GPR137B: variants seen among roughly 807,000 people sequenced by gnomAD.
The protein encoded by GPR137B is integral membrane protein GPR137B.
Under a neutral mutation model 42.5 loss-of-function variants are expected in GPR137B, and 42 were observed. The ratio of observed to expected loss-of-function variants is 0.99; its 90% confidence interval spans 0.77 to 1.28. The LOEUF is 1.28. Ranked by LOEUF, GPR137B falls within the 50% of genes most tolerant of loss-of-function variation. The probability of loss-of-function intolerance (pLI) is 0.00; values close to 1 mark genes in which losing one functional copy is unlikely to be tolerated. For missense variants in GPR137B, 487 were observed against 493.9 expected (o/e 0.99, Z 0.13); for synonymous variants, 218 against 209.7 (o/e 1.04, Z -0.34).
chr1:236,148,768 A>G lies in GPR137B; in HGVS notation c.414+5732A>G, dbSNP rs142223942. Among the ~76,000 whole-genome samples the G allele has an allele frequency of 2.5e-4, 38 of 152,180 alleles. No individual in the cohort carries two copies. The East Asian group carries it at 7.4e-3, about 29-fold the overall frequency. On this transcript the variant is annotated intron_variant, in intron 1 of 6. Coordinates refer to ENST00000366592, the MANE Select transcript of GPR137B (RefSeq NM_003272.4). The stretch of plus-strand genomic sequence containing the variant: ...GGCCTGCGGCTCATGGTAGGGGCTC[A>G]TAGTCGGTGTTGGGAGCTCATCATG...
chr1:236,165,368 C>T (rs939289113), intron 1 of GPR137B, among the ~76,000 whole-genome samples: 1 of 152,170 alleles, frequency 6.6e-6, no homozygotes, highest in African/African-American at 2.4e-5. Flanking sequence ...GACTTTTTCC[C>T]TCCAGGCAGG....
At chr1:236,190,531 T>G (rs1279581992) in intron 5 of GPR137B, among the ~76,000 whole-genome samples, 1 of 152,220 alleles carries the variant, frequency 6.6e-6, no homozygotes, top group Non-Finnish European at 1.5e-5. Flanking sequence ...GGCCTGGTGG[T>G]GACAAAGTCT....
chr1:236,207,526 C>A (rs563926049), intron 6 of GPR137B, among the ~76,000 whole-genome samples: 6 of 152,268 alleles, frequency 3.9e-5, no homozygotes, highest in African/African-American at 1.4e-4. Flanking sequence ...AAGACAAGAC[C>A]CCCTTTCTAC....
rs1459815491 is a variant in GPR137B at position 236,205,108 on chromosome 1, G to A, written c.967-18G>A. On this transcript the variant is annotated intron_variant, in intron 5 of 6. Coordinates refer to ENST00000366592, the MANE Select transcript of GPR137B (RefSeq NM_003272.4). ...CATGATGTCTGTAAGTATGCTGAAT[G>A]ATTACCTGTCTTTCTAGACCAACCC... 1.2e-6 allele frequency: 2 copies of A among 1,607,598 alleles called. No homozygotes were observed. Among genetic ancestry groups the A allele is most frequent in the Non-Finnish European group, 1.7e-6 (2 of 1,174,904 alleles).
At chr1:236,176,583 G>T (rs1662693162) in intron 2 of GPR137B, among the ~76,000 whole-genome samples, 2 of 152,174 alleles carry the variant, frequency 1.3e-5, no homozygotes, top group African/African-American at 4.8e-5. Flanking sequence ...GGAGAAGCCT[G>T]CAGTCCTTTC....
intron 1 of GPR137B, among the ~76,000 whole-genome samples, chr1:236,157,263 C>T (rs758945234): frequency 5.3e-5 from 8 of 149,896 alleles, no homozygotes; most frequent in South Asian, 2.1e-4. Flanking sequence ...CCCGCTCAGT[C>T]GCCCAGGCTG....
chr1:236,208,491 G>A lies in GPR137B; in HGVS notation c.*333G>A, dbSNP rs774188633. ...TTGAGAATGTTACTGCAATCATGTTGTAGTTTGCACAGACTTTTATGCATA... is the reference window on the plus strand; with the variant it reads ...TTGAGAATGTTACTGCAATCATGTTATAGTTTGCACAGACTTTTATGCATA... On this transcript the variant is annotated 3_prime_UTR_variant, in exon 7 of 7. Transcript: ENST00000366592. 152 of 906,934 alleles carry A rather than the reference G, an allele frequency of 1.7e-4. No homozygotes were observed. The highest frequency in any genetic ancestry group is 2.0e-4 in the Non-Finnish European group (148 of 743,274). 56.2% of individuals were successfully genotyped at this position (906,934 alleles called of 1,614,324 possible).
intron 1 of GPR137B, among the ~76,000 whole-genome samples, chr1:236,147,290 GGC>G (rs1661708478): frequency 6.6e-6 from 1 of 152,176 alleles, no homozygotes; most frequent in South Asian, 2.1e-4. Flanking sequence ...CCAGCGTGTC[GGC>G]CTCTGGTCTT....
intron 5 of GPR137B, among the ~76,000 whole-genome samples, chr1:236,198,244 G>A (rs575945399): frequency 1.3e-4 from 19 of 151,912 alleles, no homozygotes; most frequent in Middle Eastern, 3.4e-3. Flanking sequence ...TTGCTCTGTC[G>A]TCCAGGCTGG....
intron 5 of GPR137B, among the ~76,000 whole-genome samples, chr1:236,198,470 G>T (rs1010259178): frequency 4.6e-5 from 7 of 152,196 alleles, no homozygotes; most frequent in African/African-American, 4.8e-5. Flanking sequence ...CTCCCAAAGT[G>T]CTGGGATTAC....
At chr1:236,176,969 T>A (rs1268901653) in intron 2 of GPR137B, among the ~76,000 whole-genome samples, 2 of 152,098 alleles carry the variant, frequency 1.3e-5, no homozygotes, top group Non-Finnish European at 2.9e-5. Context: ...GAAACCTGAC[T>A]GCCTGTGTAC....
intron 5 of GPR137B, among the ~76,000 whole-genome samples, chr1:236,204,009 T>C (rs1663577608): frequency 6.6e-6 from 1 of 152,244 alleles, no homozygotes; most frequent in Non-Finnish European, 1.5e-5. Context: ...GAGGAAAGGC[T>C]TGTAGTTTTC....
chr1:236,171,443 G>T lies in GPR137B; in HGVS notation c.464+2688G>T, dbSNP rs73122905. On this transcript the variant is annotated intron_variant, in intron 2 of 6. Coordinates refer to ENST00000366592, the MANE Select transcript of GPR137B (RefSeq NM_003272.4). This position sits in a 1 kb window ranked among gnomAD's most constrained non-coding sequence, Gnocchi z 4.4. ...TAGGAGGAGAACATTCTGTCTGATC[G>T]GACCGTGGAACTGATTTTATCTTGG... is the stretch of plus-strand genomic sequence containing the variant. Among the ~76,000 whole-genome samples, 1 of 152,164 alleles carries T rather than the reference G, an allele frequency of 6.6e-6. No individual in the cohort carries two copies. Among genetic ancestry groups the T allele is most frequent in the African/African-American group, 2.4e-5 (1 of 41,436 alleles).
chr1:236,158,150 A>T (rs914713180), intron 1 of GPR137B, among the ~76,000 whole-genome samples: 3 of 152,306 alleles, frequency 2.0e-5, no homozygotes, highest in Non-Finnish European at 4.4e-5. Flanking sequence ...GGGGCTGGGC[A>T]TGGTGGCTTA....
At chr1:236,176,469 T>G in intron 2 of GPR137B, among the ~76,000 whole-genome samples, 1 of 152,110 alleles carries the variant, frequency 6.6e-6, no homozygotes, top group East Asian at 1.9e-4. Context: ...CTGTGGCACC[T>G]TCCTGCCCCC....
At chr1:236,162,824 G>C (rs1571972424) in intron 1 of GPR137B, among the ~76,000 whole-genome samples, 1 of 152,240 alleles carries the variant, frequency 6.6e-6, no homozygotes, top group Non-Finnish European at 1.5e-5. Context: ...TTGCTGTGGG[G>C]GTGGGGCCCT....
In GPR137B at chr1:236,180,981, G is replaced by A. The variant is rs1354299872; in HGVS notation, c.837+953G>A. 6.6e-5 allele frequency among the ~76,000 whole-genome samples: 10 copies of A among 152,252 alleles called. No homozygotes were observed. In the South Asian group the frequency reaches 1.9e-3, roughly 28 times the overall value. On this transcript the variant is annotated intron_variant, in intron 4 of 6. Coordinates refer to ENST00000366592, the MANE Select transcript of GPR137B (RefSeq NM_003272.4). ...ATGATATTATTAAAGGGTGACATTT[G>A]CAGATAGTAAGCAAATTGTATTCAG...
rs1051852177 is a variant in GPR137B, at chr1:236,142,751, T to G, written c.129T>G (p.Leu43=). ...CGGCCGTGCCCCCCTACGTGAAGCT[T>G]GGCCTCACCGTCGTCTACACCGTGT... is the stretch of plus-strand genomic sequence containing the variant. ...LTPAVPPYVK[L]GLTVVYTVFY... The change falls in exon 1 of 7, where the codon CTT becomes CTG. Residue 43 remains leucine (L), a synonymous_variant. Coordinates refer to ENST00000366592, the MANE Select transcript of GPR137B (RefSeq NM_003272.4). 3 of 1,608,022 alleles carry G rather than the reference T, an allele frequency of 1.9e-6. No individual in the cohort carries two copies. Among genetic ancestry groups the G allele is most frequent in the Middle Eastern group, 1.6e-4 (1 of 6,068 alleles).
chr1:236,174,418 A>T (rs1662627578), intron 2 of GPR137B, among the ~76,000 whole-genome samples: 1 of 152,146 alleles, frequency 6.6e-6, no homozygotes, highest in African/African-American at 2.4e-5. Context: ...CCATAGATTG[A>T]GCTGCCTCTT....
Sources: gnomAD v4.1 joint callset for allele counts (sites outside exome capture counted in the v4.1 genomes callset) on GRCh38, gnomAD v4.1.1 for gene constraint, Gnocchi (gnomAD v3.1) non-coding constraint, MANE v1.5 for transcripts, NCBI Gene and HGNC (gene_info 2026-07-23, HGNC 2026-07-21) for gene names.